Variants in EDRF1 observed in about 807,000 individuals in gnomAD.
EDRF1 encodes erythroid differentiation-related factor 1.
Under a neutral mutation model 148.7 loss-of-function variants are expected in EDRF1, and 69 were observed. The ratio of observed to expected loss-of-function variants is 0.46; its 90% CI spans 0.38 to 0.57. The LOEUF is 0.57. Among genes scored for constraint, EDRF1 ranks in the 20% least tolerant of loss-of-function variants. The pLI is 0.00. For synonymous variants in EDRF1, 515 were observed against 532.8 expected (o/e 0.97, Z 0.46); for missense variants, 1,118 against 1,478.7 (o/e 0.76, Z 4.00).
chr10:125,757,891 G>A (rs974613628), intron 24 of EDRF1, among the ~76,000 whole-genome samples: 1 of 152,166 alleles, frequency 6.6e-6, no homozygotes, highest in Non-Finnish European at 1.5e-5. Flanking sequence ...TGAGTGTGTC[G>A]TGATGGCTTT....
intron 9 of EDRF1, chr10:125,731,917 G>T (rs1425977319): frequency 2.2e-6 from 1 of 452,904 alleles, no homozygotes; most frequent in Admixed American, 2.4e-5. Flanking sequence ...TGAGGATCAA[G>T]GAGCTCAAGT....
rs147465907 is a variant in EDRF1 at position 125,733,924 on chromosome 10, G to A, written c.1386-148G>A. ...TTTCTTATGCCACCATAGTATAAAC[G>A]TTTTGGGGGTTGTGGGTAAAGTGTA... On this transcript the variant is annotated intron_variant, in intron 11 of 24. Coordinates refer to ENST00000356792, the MANE Select transcript of EDRF1 (RefSeq NM_001202438.2). 3,155 of 871,226 alleles carry A rather than the reference G, an allele frequency of 3.6e-3. 8 individuals carry two copies. Among genetic ancestry groups the A allele is most frequent in the Middle Eastern group, 0.011 (41 of 3,852 alleles). 54.0% of individuals were successfully genotyped at this position (871,226 alleles called of 1,614,324 possible). A position where few individuals can be genotyped will look rare whatever the true frequency, so the allele number is the denominator to read the frequency against.
intron 6 of EDRF1, among the ~76,000 whole-genome samples, chr10:125,726,934 T>C (rs1327071502): frequency 2.0e-5 from 3 of 152,240 alleles, no homozygotes; most frequent in Non-Finnish European, 4.4e-5. Flanking sequence ...TAGGAATTAC[T>C]GTGAAAACTC....
In EDRF1 at chr10:125,745,795, T is replaced by C. The variant is rs932345704; in HGVS notation, c.2679T>C (p.Ile893=). ...FEKGIHNFES[I]EDATNAALLL... Reference sequence around the variant, plus strand: ...AGGGAATTCACAACTTTGAATCAATTGAGGATGCCACCAATGCCGCCCTTT... The same window carrying C: ...AGGGAATTCACAACTTTGAATCAATCGAGGATGCCACCAATGCCGCCCTTT... Residue 893 remains isoleucine (I), a synonymous_variant, in exon 19 of 25, where the codon ATT becomes ATC. Transcript: ENST00000356792. 5 of 1,614,236 alleles carry C rather than the reference T, an allele frequency of 3.1e-6. No homozygotes were observed. Among genetic ancestry groups the C allele is most frequent in the Non-Finnish European group, 4.2e-6 (5 of 1,180,044 alleles).
At chr10:125,731,379 C>T (rs140919553) in intron 9 of EDRF1, among the ~76,000 whole-genome samples, 1 of 152,274 alleles carries the variant, frequency 6.6e-6, no homozygotes, top group East Asian at 1.9e-4. Flanking sequence ...GAAGGGACAT[C>T]TTAACTGAGT....
At position 125,724,527 on chromosome 10, in the gene EDRF1, T is replaced by C. The variant is rs188866389; in HGVS notation, c.510+591T>C. On this transcript the variant is annotated intron_variant, in intron 4 of 24. Coordinates refer to ENST00000356792, the MANE Select transcript of EDRF1 (RefSeq NM_001202438.2). ...CCTAGGTAGGGAGTAGGCTGTACCA[T>C]CCAGGTTTCTATAAGTAACACTCTG... is the stretch of plus-strand genomic sequence containing the variant. Among the ~76,000 whole-genome samples, 8 of 152,322 alleles carry C rather than the reference T, an allele frequency of 5.3e-5. No homozygotes were observed. In the East Asian group the frequency reaches 1.2e-3, roughly 22 times the overall value.
At chr10:125,721,598 A>G (rs562501017) in intron 2 of EDRF1, among the ~76,000 whole-genome samples, 186 bp downstream of exon 2, 2 of 152,380 alleles carry the variant, frequency 1.3e-5, no homozygotes, top group South Asian at 4.1e-4. Flanking sequence ...AGATATACAT[A>G]CAATATCAAT....
intron 4 of EDRF1, among the ~76,000 whole-genome samples, 169 bp from the exon 5 acceptor site, chr10:125,725,149 A>G (rs1048084719): frequency 6.6e-6 from 1 of 152,252 alleles, no homozygotes; most frequent in African/African-American, 2.4e-5. Context: ...TAGGAAACAA[A>G]AAACAAAAGA....
intron 13 of EDRF1, among the ~76,000 whole-genome samples, chr10:125,737,412 C>G (rs1419901523): frequency 1.3e-5 from 2 of 152,162 alleles, no homozygotes; most frequent in Non-Finnish European, 2.9e-5. Context: ...TCACCGTGTC[C>G]TCAGACAAAT....
intron 18 of EDRF1, chr10:125,745,429 A>T: frequency 2.2e-6 from 1 of 457,336 alleles, no homozygotes; most frequent in Non-Finnish European, 4.0e-6. Flanking sequence ...CACCCTTACA[A>T]TCTCATTTAA....
intron 22 of EDRF1, among the ~76,000 whole-genome samples, chr10:125,751,247 T>C (rs139174107): frequency 3.9e-5 from 6 of 152,322 alleles, no homozygotes; most frequent in Admixed American, 3.9e-4. Flanking sequence ...ATAAGTGTGT[T>C]TAATTCTCTC....
At position 125,745,903 on chromosome 10, in the gene EDRF1, A is replaced by G; in HGVS notation, c.2787A>G (p.Ser929=). ...GGGATGAACTGAAACGTGAATTTTC[A>G]CCAGAAGAAGGCTTGTATTATAATA... ...GAGDELKREF[S]PEEGLYYNKA... Residue 929 remains serine, a synonymous_variant, in exon 19 of 25, where the codon TCA becomes TCG. Transcript: ENST00000356792. 6.2e-7 allele frequency: 1 copy of G among 1,614,192 alleles called. No homozygotes were observed. The highest frequency in any genetic ancestry group is 2.2e-5 in the East Asian group (1 of 44,892).
At chr10:125,751,643 A>G (rs1849646573) in intron 22 of EDRF1, among the ~76,000 whole-genome samples, 1 of 152,184 alleles carries the variant, frequency 6.6e-6, no homozygotes. Context: ...CCCCACCCGC[A>G]GAGTCGGGGA....
At chr10:125,747,257 T>C in intron 19 of EDRF1, 1 of 385,268 alleles carries the variant, frequency 2.6e-6, no homozygotes. Flanking sequence ...AACAAGTGCA[T>C]CATCATGCTC....
chr10:125,756,508 A>G (rs1849905751), intron 24 of EDRF1, among the ~76,000 whole-genome samples: 1 of 152,170 alleles, frequency 6.6e-6, no homozygotes, highest in African/African-American at 2.4e-5. Flanking sequence ...GTCTATTGCT[A>G]TCAATTTACT....
At position 125,745,775 on chromosome 10, in the gene EDRF1, A is replaced by C. The variant is rs752629670; in HGVS notation, c.2659A>C (p.Ile887Leu). The C allele has an allele frequency of 6.8e-6, 11 of 1,614,134 alleles. No individual in the cohort carries two copies. Among genetic ancestry groups the C allele is most frequent in the Non-Finnish European group, 9.3e-6 (11 of 1,180,046 alleles). The stretch of plus-strand genomic sequence containing the variant: ...AAGCTTTTCTTGTTTTGAAAAGGGA[A>C]TTCACAACTTTGAATCAATTGAGGA... ...KKSFSCFEKG[I>L]HNFESIEDAT... Residue 887 changes from isoleucine to leucine, a missense_variant, in exon 19 of 25, where the codon ATT becomes CTT. By Grantham distance (5) the Ile-to-Leu change is conservative. Around this residue, in one of 3 missense-constraint regions of EDRF1, gnomAD observed 954 missense variants for 1,241.4 expected, o/e 0.77. Transcript: ENST00000356792.
At chr10:125,750,251 C>G (rs528052384) in intron 22 of EDRF1, among the ~76,000 whole-genome samples, 1 of 152,178 alleles carries the variant, frequency 6.6e-6, no homozygotes. Context: ...AAACATAGAA[C>G]TGACCCTTGG....
chr10:125,732,095 G>T (rs1303131161), intron 9 of EDRF1, among the ~76,000 whole-genome samples: 4 of 152,184 alleles, frequency 2.6e-5, no homozygotes, highest in South Asian at 4.1e-4. Context: ...TGGGCCCCCA[G>T]TGTTCTAGTA....
chr10:125,759,818 C>T (rs1850104576), intron 24 of EDRF1, among the ~76,000 whole-genome samples: 1 of 152,076 alleles, frequency 6.6e-6, no homozygotes, highest in African/African-American at 2.4e-5. Flanking sequence ...TCACGCCATT[C>T]TCCTGCCTCA....
Sources: allele counts gnomAD v4.1 joint callset (sites outside exome capture counted in the v4.1 genomes callset), GRCh38; gene constraint gnomAD v4.1.1; regional missense constraint gnomAD v4.1.1; transcripts MANE v1.5; gene names NCBI Gene and HGNC (gene_info 2026-07-23, HGNC 2026-07-21).